The following LRP2 variants were observed in gnomAD, a reference collection of about 807,000 sequenced individuals.
LRP2 encodes low-density lipoprotein receptor-related protein 2.
LRP2 carries 172 observed loss-of-function variants against 531.0 expected under a neutral mutation model. The observed-to-expected ratio is 0.32, with a 90% CI of 0.29 to 0.37. The LOEUF (loss-of-function observed/expected upper bound fraction) is 0.37, where lower values mean the gene tolerates loss of function less well. Ranked by LOEUF, LRP2 falls within the 10% of genes least tolerant of loss-of-function variation. The pLI, the probability that LRP2 is intolerant of heterozygous loss-of-function variation, is 1.00. For synonymous variants in LRP2, 1,992 were observed against 2,027.6 expected, an observed-to-expected ratio of 0.98 and a Z score of 0.47; for missense variants, 5,167 against 5,868.3, an observed-to-expected ratio of 0.88 and a Z score of 3.90.
At chr2:169,147,261 T>C (rs1685950410) in intron 68 of LRP2, among the ~76,000 whole-genome samples, 1 of 152,212 alleles carries the variant, frequency 6.6e-6, no homozygotes, top group South Asian at 2.1e-4. Flanking sequence ...CTTCAAGAAA[T>C]ATTATTGAAG....
intron 32 of LRP2, 72 bp downstream of exon 32, chr2:169,226,350 T>A: frequency 8.0e-7 from 1 of 1,257,282 alleles, no homozygotes. Flanking sequence ...AAAGTTTGCT[T>A]ATAAGAAAAC....
chr2:169,242,926 T>C (rs1689860735), intron 24 of LRP2, 30 bp downstream of exon 24: 1 of 1,511,586 alleles, frequency 6.6e-7, no homozygotes, highest in Non-Finnish European at 9.2e-7. Flanking sequence ...GACCCCTTTG[T>C]CTGAAACATT....
At chr2:169,358,286 T>G (rs1686046261) in intron 1 of LRP2, among the ~76,000 whole-genome samples, 1 of 152,160 alleles carries the variant, frequency 6.6e-6, no homozygotes, top group South Asian at 2.1e-4. Context: ...GCAAGAAACC[T>G]ATTAACCGCC....
chr2:169,270,144 T>C (rs979479376), intron 16 of LRP2, among the ~76,000 whole-genome samples: 2 of 152,144 alleles, frequency 1.3e-5, no homozygotes, highest in African/African-American at 4.8e-5. Context: ...AGGAACACTT[T>C]TACACTGTTG....
intron 63 of LRP2, 94 bp from the exon 64 acceptor site, chr2:169,157,596 A>G: frequency 7.0e-7 from 1 of 1,421,748 alleles, no homozygotes; most frequent in Non-Finnish European, 9.8e-7. Context: ...AACCAACTAT[A>G]GGACATCTTG....
chr2:169,341,837 A>G (rs1685570683), intron 1 of LRP2, among the ~76,000 whole-genome samples: 1 of 152,236 alleles, frequency 6.6e-6, no homozygotes, highest in Non-Finnish European at 1.5e-5. Flanking sequence ...TATCAGGCAT[A>G]TAATAAGTTT....
chr2:169,167,216 C>A (rs1686817813), intron 61 of LRP2, among the ~76,000 whole-genome samples: 1 of 152,084 alleles, frequency 6.6e-6, no homozygotes, highest in Non-Finnish European at 1.5e-5. Flanking sequence ...AAGTTCAAAG[C>A]AAAACAAGGC....
Position 169,173,926 on chromosome 2 carries a change from T to G in LRP2, c.11007A>C (p.Glu3669Asp), listed in dbSNP as rs374867340. Residue 3669 changes from glutamate to aspartate, a missense_variant, in exon 56 of 79, where the codon GAA (glutamate) becomes GAC (aspartate). This residue lies in a region of LRP2 where 311 missense variants were observed against 309.4 expected (regional missense o/e 1.01). Coordinates refer to ENST00000649046, the MANE Select transcript of LRP2 (RefSeq NM_004525.3). ...DCGDHSDEPI[E>D]ECMSSAHLCD... ...CCTCCCACAGGAACTTACTGCATTC[T>G]TCAATGGGCTCATCCGAGTGGTCTC... 1 of 1,614,176 alleles carries G rather than the reference T, an allele frequency of 6.2e-7. No individual in the cohort carries two copies. The highest frequency in any genetic ancestry group is 8.5e-7 in the Non-Finnish European group (1 of 1,180,022).
rs1264392087 is a variant in LRP2 at position 169,175,534 on chromosome 2, C to T, written c.10572-145G>A. 14 of 726,240 alleles carry T rather than the reference C, an allele frequency of 1.9e-5. No individual in the cohort carries two copies. In the East Asian group the frequency reaches 3.5e-4, roughly 18 times the overall value. 45.0% of individuals were successfully genotyped at this position (726,240 alleles called of 1,614,324 possible). On this transcript the variant is annotated intron_variant, in intron 54 of 78. Transcript: ENST00000649046. ...AAGAGGATCAATTAAATCTCAGTTA[C>T]AATGGTGTATTTTCAGAGAAAACAT...
rs184448140 is a variant in LRP2 at position 169,220,253 on chromosome 2, A to G, written c.5648+201T>C. On this transcript the variant is annotated intron_variant, in intron 34 of 78. Transcript: ENST00000649046. The stretch of plus-strand genomic sequence containing the variant: ...ATCCAGTGTTGTTCATTTGAAGACC[A>G]TAGGACAAAATACAAACAATATCCT... Among the ~76,000 whole-genome samples, 80 of 152,362 alleles carry G rather than the reference A, an allele frequency of 5.3e-4. 1 individual carries two copies. The highest frequency in any genetic ancestry group is 3.4e-3 in the Middle Eastern group (1 of 294).
chr2:169,320,884 T>C lies in LRP2; in HGVS notation c.80A>G (p.Glu27Gly). The change falls in exon 2 of 79, where the codon GAA becomes GGA. Residue 27 changes from glutamate (E) to glycine (G), a missense_variant and splice_region_variant. This residue lies in a region of LRP2 where 2,811 missense variants were observed against 3,058.0 expected (regional missense o/e 0.92). Transcript: ENST00000649046. The part of the protein sequence containing the change: ...VACLAPASGQ[E>G]CDSAHFRCGS... ...ACAGCGAAAATGCGCACTGTCACAT[T>C]CTGCAATAATAGACAGAAATTTTAA... The C allele has an allele frequency of 6.2e-7, 1 of 1,605,748 alleles. No homozygotes were observed. Among genetic ancestry groups the C allele is most frequent in the Non-Finnish European group, 8.5e-7 (1 of 1,172,368 alleles).
At chr2:169,265,904 G>A (rs1321623713) in intron 16 of LRP2, among the ~76,000 whole-genome samples, 1 of 151,922 alleles carries the variant, frequency 6.6e-6, no homozygotes, top group African/African-American at 2.4e-5. Flanking sequence ...ACACAGGATA[G>A]GGGTCTCCAG....
rs62172600 is a variant in LRP2, at chr2:169,182,643, A to C, written c.9846-324T>G. 0.026 allele frequency: 26,054 copies of C among 985,296 alleles called. 374 individuals carry two copies. Among genetic ancestry groups the C allele is most frequent in the Non-Finnish European group, 0.029 (24,150 of 829,796 alleles). The allele number at this position is 985,296 out of a possible 1,614,324, so 61.0% of individuals were successfully genotyped here. ...TCTCCAGGCAGTGCAAAGGCTTAGC[A>C]GAACAGGGAAGCAGAGGTGAGTATC... is the stretch of plus-strand genomic sequence containing the variant. On this transcript the variant is annotated intron_variant, in intron 50 of 78. Transcript: ENST00000649046.
At chr2:169,248,852 C>T (rs1157876152) in intron 19 of LRP2, among the ~76,000 whole-genome samples, 1 of 123,658 alleles carries the variant, frequency 8.1e-6, no homozygotes, top group East Asian at 2.1e-4. Flanking sequence ...AGTTCCCTTT[C>T]CGAGTCAAAG....
chr2:169,164,216 C>T (rs988685299), intron 62 of LRP2, among the ~76,000 whole-genome samples: 25 of 152,152 alleles, frequency 1.6e-4, no homozygotes, highest in Non-Finnish European at 3.4e-4. Context: ...GCCCCTGTTC[C>T]GCCAATACCT....
At chr2:169,326,355 G>A (rs1318832332) in intron 1 of LRP2, among the ~76,000 whole-genome samples, 4 of 151,566 alleles carry the variant, frequency 2.6e-5, no homozygotes, top group Admixed American at 6.6e-5. Context: ...GCCTGCGATT[G>A]CAGGCGCGCG....
intron 1 of LRP2, among the ~76,000 whole-genome samples, chr2:169,339,770 T>C (rs1394765971): frequency 1.3e-5 from 2 of 152,156 alleles, no homozygotes; most frequent in African/African-American, 4.8e-5. Flanking sequence ...TCTGACTTGA[T>C]GATATTTTGA....
In LRP2 at chr2:169,138,585, T is replaced by A. The variant is rs779222343; in HGVS notation, c.13510A>T (p.Met4504Leu). ...TTTGAAACCATACTCACCATTGCCATTGACCTGTCAATAGCAGTCTCAGGT... is the reference window on the plus strand; with the variant it reads ...TTTGAAACCATACTCACCATTGCCAATGACCTGTCAATAGCAGTCTCAGGT... ...FGPETAIDRS[M>L]AMSEDFVMEM... is the part of the protein sequence containing the mutation. Residue 4504 changes from methionine to leucine, a missense_variant, in exon 75 of 79, where the codon ATG (methionine) becomes TTG (leucine). By Grantham distance (15) the Met-to-Leu change is conservative (BLOSUM62 2). Transcript: ENST00000649046. The A allele has an allele frequency of 6.2e-7, 1 of 1,613,934 alleles. No individual in the cohort carries two copies. The highest frequency in any genetic ancestry group is 8.5e-7 in the Non-Finnish European group (1 of 1,179,864).
At chr2:169,358,898 C>CAA (rs777233354) in intron 1 of LRP2, among the ~76,000 whole-genome samples, 9,109 of 115,574 alleles carry the variant, frequency 0.079, 474 homozygotes, top group African/African-American at 0.14. Flanking sequence ...ACGATTTTCT[C>CAA]AAAAAAAAAA....
Sources: gnomAD v4.1 joint callset for allele counts (sites outside exome capture counted in the v4.1 genomes callset) on GRCh38, gnomAD v4.1.1 for gene constraint, gnomAD v4.1.1 regional missense constraint, MANE v1.5 for transcripts, NCBI Gene and HGNC (gene_info 2026-07-23, HGNC 2026-07-21) for gene names.